Variants in TMCO4 observed in about 807,000 individuals in gnomAD.
TMCO4 encodes transmembrane and coiled-coil domains 4.
TMCO4 carries 58 observed loss-of-function variants against 64.7 expected under a neutral mutation model. That is an observed-to-expected ratio of 0.90 (90% CI 0.73 to 1.12). The LOEUF is 1.12. TMCO4 is among the 50% of genes most tolerant of loss of function. TMCO4 has a pLI of 0.00. For missense variants in TMCO4, 780 were observed against 825.9 expected (o/e 0.94, Z 0.68); for synonymous variants, 325 against 346.1 (o/e 0.94, Z 0.68).
At chr1:19,771,112 C>A (rs2101023214) in intron 5 of TMCO4, among the ~76,000 whole-genome samples, 196 bp downstream of exon 5, 2 of 151,002 alleles carry the variant, frequency 1.3e-5, no homozygotes, top group East Asian at 1.9e-4. Context: ...GAAAAGGAAC[C>A]AGCACGTAAT....
At chr1:19,726,078 A>G (rs3929667) in intron 13 of TMCO4, among the ~76,000 whole-genome samples, 23,148 of 152,252 alleles carry the variant, frequency 0.15, 1,873 homozygotes, top group Middle Eastern at 0.2. Flanking sequence ...TCTACATGCC[A>G]AGGCCTGAGC....
At chr1:19,731,576 G>A (rs1343366388) in intron 13 of TMCO4, among the ~76,000 whole-genome samples, 1 of 152,250 alleles carries the variant, frequency 6.6e-6, no homozygotes, top group Non-Finnish European at 1.5e-5. Flanking sequence ...CAGCGGAGAA[G>A]AGCCCTGTGG....
chr1:19,745,372 T>C (rs1011354581), intron 10 of TMCO4, 160 bp downstream of exon 10: 12 of 1,098,458 alleles, frequency 1.1e-5, no homozygotes, highest in African/African-American at 4.7e-5. Context: ...GGTGGACAGA[T>C]GTGAGATGAA....
chr1:19,714,370 G>C (rs533684023), intron 13 of TMCO4, among the ~76,000 whole-genome samples: 29 of 151,832 alleles, frequency 1.9e-4, no homozygotes, highest in Non-Finnish European at 3.8e-4. Context: ...TTTTTTCAAT[G>C]TCTTGTTCCT....
chr1:19,773,687 T>C (rs1269478423), intron 4 of TMCO4, among the ~76,000 whole-genome samples: 2 of 152,168 alleles, frequency 1.3e-5, no homozygotes, highest in African/African-American at 4.8e-5. Flanking sequence ...TCAGTGTCCT[T>C]ATCTGCAAAA....
chr1:19,740,077 GT>G (rs1413480506), intron 11 of TMCO4, 117 bp from the exon 12 acceptor site: 2 of 1,256,934 alleles, frequency 1.6e-6, no homozygotes, highest in Non-Finnish European at 2.2e-6. Flanking sequence ...GGACCTGCAA[GT>G]TTGCCAATCA....
At chr1:19,792,765 A>ATTTTTTTTT (rs71579823) in intron 2 of TMCO4, among the ~76,000 whole-genome samples, 4 of 89,676 alleles carry the variant, frequency 4.5e-5, no homozygotes, top group Non-Finnish European at 6.3e-5. Flanking sequence ...GTCAAGGTCA[A>ATTTTTTTTT]TTTTTTTTTT....
At chr1:19,740,639 G>C in intron 11 of TMCO4, 138 bp downstream of exon 11, 1 of 941,932 alleles carries the variant, frequency 1.1e-6, no homozygotes, top group Middle Eastern at 2.3e-4. Context: ...ACAGGAATGC[G>C]GCCTTAACCT....
chr1:19,741,484 C>T (rs186396593), intron 10 of TMCO4, among the ~76,000 whole-genome samples: 5 of 152,072 alleles, frequency 3.3e-5, no homozygotes, highest in African/African-American at 4.8e-5. Flanking sequence ...TATGATCTTG[C>T]GGGGTCATTC....
intron 13 of TMCO4, among the ~76,000 whole-genome samples, chr1:19,713,469 G>A (rs2095341138): frequency 6.6e-6 from 1 of 152,102 alleles, no homozygotes; most frequent in Non-Finnish European, 1.5e-5. Context: ...TTGGGGATGT[G>A]GTTTTGGGAG....
rs35465789 is a variant in TMCO4 at position 19,685,715 on chromosome 1, T to C, written c.1501-2271A>G. ...ATTTGAATCCAGGCCTGTTTCTTTT[T>C]TTTTTTTTTTTTTTTTGAGACAGAG... On this transcript the variant is annotated intron_variant, in intron 15 of 15. Transcript: ENST00000294543. Among the ~76,000 whole-genome samples, 1,129 of 127,232 alleles carry C rather than the reference T, an allele frequency of 8.9e-3. 25 individuals carry two copies. The highest frequency in any genetic ancestry group is 0.033 in the African/African-American group (1,026 of 31,346). The allele number at this position is 127,232 out of a possible 152,430, so 83.5% of individuals were successfully genotyped here.
At position 19,780,790 on chromosome 1, in the gene TMCO4, G is replaced by C. The variant is rs775455903; in HGVS notation, c.-8-24C>G. On this transcript the variant is annotated intron_variant, in intron 3 of 15. Coordinates refer to ENST00000294543, the MANE Select transcript of TMCO4 (RefSeq NM_181719.7). ...CGCTGCAGGAGAAAATTCCCAGTGAGAAATGCTTCCAGAGGTAAGCCAAGG... is the reference window on the plus strand; with the variant it reads ...CGCTGCAGGAGAAAATTCCCAGTGACAAATGCTTCCAGAGGTAAGCCAAGG... 2.0e-6 allele frequency: 3 copies of C among 1,534,702 alleles called. No individual in the cohort carries two copies. The African/African-American group carries it at 4.2e-5, about 21-fold the overall frequency.
chr1:19,777,809 T>C (rs2043276927), intron 4 of TMCO4, among the ~76,000 whole-genome samples: 1 of 152,232 alleles, frequency 6.6e-6, no homozygotes, highest in Non-Finnish European at 1.5e-5. Flanking sequence ...TCTCAGCTAC[T>C]TGGGAGGCTG....
chr1:19,716,181 T>TTATTAG (rs1476039619), intron 13 of TMCO4, among the ~76,000 whole-genome samples: 1 of 148,168 alleles, frequency 6.7e-6, no homozygotes, highest in African/African-American at 2.5e-5. Context: ...ATTATTATTA[T>TTATTAG]TATTAATTTA....
intron 10 of TMCO4, among the ~76,000 whole-genome samples, chr1:19,744,710 C>G (rs975725915): frequency 1.3e-5 from 2 of 152,308 alleles, no homozygotes; most frequent in African/African-American, 4.8e-5. Context: ...GCTTGGAATA[C>G]ACTTTCTGCT....
chr1:19,779,974 C>T (rs2043384612), intron 4 of TMCO4, among the ~76,000 whole-genome samples: 1 of 152,076 alleles, frequency 6.6e-6, no homozygotes, highest in Admixed American at 6.5e-5. Flanking sequence ...ATCCCCCCAC[C>T]AGATTGTGAG....
chr1:19,786,581 G>A (rs1196254901), intron 3 of TMCO4, among the ~76,000 whole-genome samples: 1 of 152,206 alleles, frequency 6.6e-6, no homozygotes, highest in Non-Finnish European at 1.5e-5. Flanking sequence ...TGAGGTGGGA[G>A]TAGAAGCTGC....
At chr1:19,789,556 TA>T (rs1311305054) in intron 2 of TMCO4, among the ~76,000 whole-genome samples, 1 of 152,244 alleles carries the variant, frequency 6.6e-6, no homozygotes, top group Non-Finnish European at 1.5e-5. Context: ...TATTTTTCTA[TA>T]TTTTTAGCAT....
At chr1:19,777,255 T>C (rs889228410) in intron 4 of TMCO4, among the ~76,000 whole-genome samples, 7 of 151,846 alleles carry the variant, frequency 4.6e-5, no homozygotes, top group African/African-American at 1.7e-4. Flanking sequence ...TTGGGCCTTG[T>C]CCTGTGAGGG....
Sources: allele counts gnomAD v4.1 joint callset (sites outside exome capture counted in the v4.1 genomes callset), GRCh38; gene constraint gnomAD v4.1.1; transcripts MANE v1.5; gene names NCBI Gene and HGNC (gene_info 2026-07-23, HGNC 2026-07-21).